ARMC2: variants seen among roughly 807,000 people sequenced by gnomAD.
ARMC2 encodes armadillo repeat containing 2.
In ARMC2, 67 loss-of-function variants were observed where a neutral mutation model predicts 90.3. The ratio of observed to expected loss-of-function variants is 0.74; its 90% CI spans 0.61 to 0.91. ARMC2 has a LOEUF of 0.91. Ranked by LOEUF, ARMC2 falls within the 40% of genes least tolerant of loss-of-function variation. The pLI, the probability that ARMC2 is intolerant of heterozygous loss-of-function variation, is 0.00. For synonymous variants in ARMC2, 393 were observed against 393.0 expected, an observed-to-expected ratio of 1.00 and a Z score of 0.00; for missense variants, 920 against 1,030.9, an observed-to-expected ratio of 0.89 and a Z score of 1.47.
At chr6:108,996,869 T>C in the ARMC2 span, among the ~76,000 whole-genome samples, 1 of 152,104 alleles carries the variant, frequency 6.6e-6, no homozygotes, top group Non-Finnish European at 1.5e-5. Flanking sequence ...AAAAAGAAAT[T>C]AGGTATCAAG....
chr6:109,037,174 C>T, the ARMC2 span, among the ~76,000 whole-genome samples: 4 of 152,302 alleles, frequency 2.6e-5, no homozygotes, highest in African/African-American at 7.2e-5. Flanking sequence ...TTATGAACCA[C>T]GCTATTTAAG....
intron 10 of ARMC2, among the ~76,000 whole-genome samples, chr6:108,914,226 T>C (rs2128474090): frequency 6.6e-6 from 1 of 152,208 alleles, no homozygotes; most frequent in East Asian, 1.9e-4. Flanking sequence ...TGAAGGGAAG[T>C]TGAGTGTTAC....
the ARMC2 span, among the ~76,000 whole-genome samples, chr6:108,984,915 C>T: frequency 2.6e-5 from 4 of 152,096 alleles, no homozygotes; most frequent in Admixed American, 2.6e-4. Flanking sequence ...CAATTGGTTT[C>T]TAGAGTTCTC....
chr6:109,007,939 T>C, the ARMC2 span, among the ~76,000 whole-genome samples: 3 of 152,186 alleles, frequency 2.0e-5, no homozygotes, highest in Admixed American at 6.5e-5. Flanking sequence ...TTTAAAAGCA[T>C]TATGGAAGCT....
chr6:109,021,041 C>T, the ARMC2 span, among the ~76,000 whole-genome samples: 1 of 152,104 alleles, frequency 6.6e-6, no homozygotes, highest in African/African-American at 2.4e-5. Context: ...CTCTGTTACC[C>T]AGGCAGTAAT....
At chr6:109,008,894 CTCTTT>C in the ARMC2 span, 48 of 986,414 alleles carry the variant, frequency 4.9e-5, no homozygotes, top group East Asian at 1.1e-4. Context: ...TTCTTTCTCT[CTCTTT>C]TAAGTAGGAG....
In ARMC2 at chr6:108,863,102, C is replaced by G. The variant is rs141055968; in HGVS notation, c.291+4831C>G. Among the ~76,000 whole-genome samples the G allele has an allele frequency of 4.1e-3, 622 of 152,204 alleles. 2 individuals are homozygous for G. Among genetic ancestry groups the G allele is most frequent in the African/African-American group, 0.014 (583 of 41,526 alleles). On this transcript the variant is annotated intron_variant, in intron 3 of 17. Coordinates refer to ENST00000392644, the MANE Select transcript of ARMC2 (RefSeq NM_032131.6). Reference sequence around the variant, plus strand: ...TCCAGCCCGACTTGCCCAGGGGGTTCCTGTTAGCAGAAACACTCTGATTTG... The same window carrying G: ...TCCAGCCCGACTTGCCCAGGGGGTTGCTGTTAGCAGAAACACTCTGATTTG...
At chr6:109,018,262 C>A in the ARMC2 span, among the ~76,000 whole-genome samples, 1 of 152,144 alleles carries the variant, frequency 6.6e-6, no homozygotes, top group African/African-American at 2.4e-5. Context: ...ATGGAGACTG[C>A]CAAAACAACA....
At chr6:109,017,057 C>T in the ARMC2 span, among the ~76,000 whole-genome samples, 1 of 151,932 alleles carries the variant, frequency 6.6e-6, no homozygotes, top group South Asian at 2.1e-4. Flanking sequence ...CAGTTATAGA[C>T]CAGACCCAGG....
chr6:108,990,774 T>C, the ARMC2 span: 1 of 1,614,114 alleles, frequency 6.2e-7, no homozygotes, highest in Non-Finnish European at 8.5e-7. Context: ...ATCAATCAAC[T>C]GTCCCACATC....
intron 15 of ARMC2, among the ~76,000 whole-genome samples, chr6:108,962,729 G>A (rs1397727529): frequency 6.6e-6 from 1 of 152,220 alleles, no homozygotes; most frequent in Non-Finnish European, 1.5e-5. Flanking sequence ...TTCAGGCTGG[G>A]TACAGTGGTT....
At chr6:108,990,750 A>G in the ARMC2 span, 2 of 1,614,124 alleles carry the variant, frequency 1.2e-6, no homozygotes, top group Non-Finnish European at 1.7e-6. Flanking sequence ...ATTGTAAGCA[A>G]TGTGAAATTT....
the ARMC2 span, among the ~76,000 whole-genome samples, chr6:108,986,150 A>AGTC: frequency 6.6e-6 from 1 of 152,194 alleles, no homozygotes; most frequent in African/African-American, 2.4e-5. Context: ...TTTGTTCTGT[A>AGTC]GTCTCTCCCT....
intron 17 of ARMC2, among the ~76,000 whole-genome samples, chr6:108,968,318 C>T (rs148905666): frequency 2.2e-4 from 34 of 152,304 alleles, no homozygotes; most frequent in African/African-American, 6.7e-4. Context: ...AATTCCCATC[C>T]GAAAACAAAC....
At chr6:109,015,623 A>T in the ARMC2 span, among the ~76,000 whole-genome samples, 1 of 152,210 alleles carries the variant, frequency 6.6e-6, no homozygotes, top group Non-Finnish European at 1.5e-5. Context: ...GAGTTAAATA[A>T]GAAGGAATGG....
Position 108,890,215 on chromosome 6 carries a change from A to AC in ARMC2, c.672-4252_672-4251insC, listed in dbSNP as rs1411000083. ...AAAAAAAAAAAAAAAAAAAAAAAAA[A>AC]AAAAAAAAAAAAAACAGTGGTTTCT... On this transcript the variant is annotated intron_variant, in intron 5 of 17. Coordinates refer to ENST00000392644, the MANE Select transcript of ARMC2 (RefSeq NM_032131.6). Among the ~76,000 whole-genome samples the AC allele has an allele frequency of 9.8e-4, 120 of 123,036 alleles. 5 individuals carry two copies. The South Asian group carries it at 0.011, about 12-fold the overall frequency. 80.7% of individuals were successfully genotyped at this position (123,036 alleles called of 152,430 possible).
rs868191317 is a variant in ARMC2 at position 108,861,208 on chromosome 6, C to T, written c.291+2937C>T. 9.8e-5 allele frequency among the ~76,000 whole-genome samples: 15 copies of T among 152,292 alleles called. 1 individual carries two copies. The South Asian group carries it at 2.9e-3, about 29-fold the overall frequency. On this transcript the variant is annotated intron_variant, in intron 3 of 17. Coordinates refer to ENST00000392644, the MANE Select transcript of ARMC2 (RefSeq NM_032131.6). ...TACTTGGTGATACCAGTTCCCTAGG[C>T]TTTATGAGATTGGTATGTTAGTCAA...
chr6:108,870,977 G>A (rs977493163), intron 4 of ARMC2, among the ~76,000 whole-genome samples: 10 of 152,238 alleles, frequency 6.6e-5, no homozygotes, highest in African/African-American at 1.4e-4. Flanking sequence ...CTGTGGTGGG[G>A]TAATTTGCTT....
At position 108,974,238 on chromosome 6, in the gene ARMC2, C is replaced by G. The variant is rs924729718; in HGVS notation, c.*724C>G. ...CCTGAATCTGAATCCATGCTCTCCCCTGCTAGCTTTGTGGGCCTGGAGCAA... is the reference window on the plus strand; with the variant it reads ...CCTGAATCTGAATCCATGCTCTCCCGTGCTAGCTTTGTGGGCCTGGAGCAA... On this transcript the variant is annotated 3_prime_UTR_variant, in exon 18 of 18. Coordinates refer to ENST00000392644, the MANE Select transcript of ARMC2 (RefSeq NM_032131.6). 6.6e-6 allele frequency: 1 copy of G among 152,328 alleles called. No homozygotes were observed. Among genetic ancestry groups the G allele is most frequent in the South Asian group, 2.1e-4 (1 of 4,828 alleles). 9.4% of individuals were successfully genotyped at this position (152,328 alleles called of 1,614,324 possible). A position where few individuals can be genotyped will look rare whatever the true frequency, so the allele number is the denominator to read the frequency against.
Sources: allele counts gnomAD v4.1 joint callset (sites outside exome capture counted in the v4.1 genomes callset), GRCh38; gene constraint gnomAD v4.1.1; transcripts MANE v1.5; gene names NCBI Gene and HGNC (gene_info 2026-07-23, HGNC 2026-07-21).